Variants in PXN observed in about 807,000 individuals in gnomAD.
PXN encodes paxillin.
PXN carries 61 observed loss-of-function variants against 103.6 expected under a neutral mutation model. The observed-to-expected ratio is 0.59, with a 90% CI of 0.48 to 0.73. PXN has a LOEUF of 0.73. Ranked by LOEUF, PXN falls within the 30% of genes least tolerant of loss-of-function variation. The pLI is 0.00. For missense variants in PXN, 1,274 were observed against 1,460.3 expected (o/e 0.87, Z 2.08); for synonymous variants, 562 against 607.8 (o/e 0.92, Z 1.11).
chr12:120,216,141 G>A lies in PXN; in HGVS notation c.2301+132C>T. The A allele has an allele frequency of 7.8e-7, 1 of 1,275,488 alleles. No individual in the cohort carries two copies. The highest frequency in any genetic ancestry group is 9.9e-7 in the Non-Finnish European group (1 of 1,013,344). The allele number at this position is 1,275,488 out of a possible 1,614,324, so 79.0% of individuals were successfully genotyped here. A position where few individuals can be genotyped will look rare whatever the true frequency, so the allele number is the denominator to read the frequency against. ...GGTTTACGGCAGGACTGTGGTTACT[G>A]TGCTGGGGCTTGTAGATGGAGGGAT... On this transcript the variant is annotated intron_variant, in intron 9 of 14. Transcript: ENST00000637617. This position sits in a 1 kb window ranked among gnomAD's most constrained non-coding sequence, Gnocchi z 5.1.
At position 120,229,102 on chromosome 12, in the gene PXN, T is replaced by C. The variant is rs1449406200; in HGVS notation, c.14-4725A>G. 6.6e-6 allele frequency among the ~76,000 whole-genome samples: 1 copy of C among 152,178 alleles called. No individual in the cohort carries two copies. The highest frequency in any genetic ancestry group is 2.4e-5 in the African/African-American group (1 of 41,442). ...GCTGCAGCTGCATCCCTCACATTCC[T>C]GTACCCACCTAGGGGCTCCGGGTGG... On this transcript the variant is annotated intron_variant, in intron 1 of 14. Transcript: ENST00000637617. The surrounding 1 kb of genome is among the most constrained non-coding windows in gnomAD (Gnocchi z 4.0).
intron 1 of PXN, among the ~76,000 whole-genome samples, chr12:120,236,476 C>CTTT (rs1051367345): frequency 3.1e-5 from 4 of 130,696 alleles, no homozygotes; most frequent in Non-Finnish European, 3.2e-5. Flanking sequence ...CCCAGATGAT[C>CTTT]TTTTTTTTTT....
Position 120,224,167 on chromosome 12 carries a change from C to G in PXN, c.224G>C (p.Arg75Pro). The G allele has an allele frequency of 3.8e-6, 6 of 1,582,660 alleles. No individual in the cohort carries two copies. Among genetic ancestry groups the G allele is most frequent in the Non-Finnish European group, 5.2e-6 (6 of 1,164,204 alleles). The change falls in exon 2 of 15, where the codon CGA (arginine) becomes CCA (proline). Residue 75 changes from arginine (R) to proline (P), a missense_variant. Physicochemically the swap from Arg to Pro is moderately radical, Grantham distance 103 (BLOSUM62 -2). This residue lies in a region of PXN where 1,178 missense variants were observed against 1,309.0 expected (regional missense o/e 0.90). Transcript: ENST00000637617. The surrounding 1 kb of genome is among the most constrained non-coding windows in gnomAD (Gnocchi z 5.0). ...CCGCCTCACCTGCTGGTGGATGAAT[C>G]GGGAGCTGCTGGGCTGCCACTGGTC... Reference protein sequence around the residue: ...PLDQWQPSSSRFIHQQPQSSS... With the variant: ...PLDQWQPSSSPFIHQQPQSSS...
rs2136188762 is a variant in PXN, at chr12:120,214,755, T to G, written c.2748+70A>C. ...TCTCTGAGCCTCCCACGGCACCCCC[T>G]GCATCCTCAGAGGGCTGCGGTGAAG... On this transcript the variant is annotated intron_variant, in intron 12 of 14. Transcript: ENST00000637617. The surrounding 1 kb of genome is among the most constrained non-coding windows in gnomAD (Gnocchi z 5.0). 6.3e-7 allele frequency: 1 copy of G among 1,580,612 alleles called. No individual in the cohort carries two copies. Among genetic ancestry groups the G allele is most frequent in the Middle Eastern group, 1.9e-4 (1 of 5,216 alleles).
At chr12:120,223,062 G>T (rs1885680217) in intron 3 of PXN, 63 bp from the exon 4 acceptor site, 1 of 1,611,024 alleles carries the variant, frequency 6.2e-7, no homozygotes, top group Non-Finnish European at 8.5e-7. Context: ...TGGCTTGGCA[G>T]TTCCCAGATT....
intron 1 of PXN, among the ~76,000 whole-genome samples, chr12:120,231,012 G>A (rs2136411320): frequency 6.6e-6 from 1 of 152,304 alleles, no homozygotes; most frequent in East Asian, 1.9e-4. Context: ...ATGAATGGCT[G>A]AATGACAGAG....
In PXN at chr12:120,225,974, C is replaced by T. The variant is rs1030546940; in HGVS notation, c.14-1597G>A. ...CAAGGCCCAGGACCCCGGGTCTGGT[C>T]GCCTGACCTCCAAGGAAGTTCAGGT... On this transcript the variant is annotated intron_variant, in intron 1 of 14. Coordinates refer to ENST00000637617, the MANE Select transcript of PXN (RefSeq NM_001385981.1). The surrounding 1 kb of genome is among the most constrained non-coding windows in gnomAD (Gnocchi z 4.4). 4 of 868,138 alleles carry T rather than the reference C, an allele frequency of 4.6e-6. No individual in the cohort carries two copies. Among genetic ancestry groups the T allele is most frequent in the Non-Finnish European group, 5.8e-6 (4 of 691,934 alleles). 53.8% of individuals were successfully genotyped at this position (868,138 alleles called of 1,614,324 possible). A position where few individuals can be genotyped will look rare whatever the true frequency, so the allele number is the denominator to read the frequency against.
At chr12:120,237,597 G>C (rs937085466) in intron 1 of PXN, among the ~76,000 whole-genome samples, 8 of 152,084 alleles carry the variant, frequency 5.3e-5, no homozygotes, top group African/African-American at 1.9e-4. Flanking sequence ...AGATGGTCAC[G>C]AGTGCTGAGA....
At chr12:120,262,132 C>T (rs1893971934) in intron 1 of PXN, among the ~76,000 whole-genome samples, 1 of 152,226 alleles carries the variant, frequency 6.6e-6, no homozygotes, top group African/African-American at 2.4e-5. Context: ...GGCTCCATAG[C>T]TCCCAATGCC....
At chr12:120,239,356 G>C (rs1889729841) in intron 1 of PXN, among the ~76,000 whole-genome samples, 1 of 152,242 alleles carries the variant, frequency 6.6e-6, no homozygotes, top group African/African-American at 2.4e-5. Context: ...GGCTGAGGCA[G>C]GTGGATCACA....
In PXN at chr12:120,236,534, G is replaced by A. The variant is rs550965395; in HGVS notation, c.14-12157C>T. The stretch of plus-strand genomic sequence containing the variant: ...ACTCTGTCGCCCAGGCTGGCGTACA[G>A]TGGCGCCATCTCAGCTCACTGCAAC... On this transcript the variant is annotated intron_variant, in intron 1 of 14. Transcript: ENST00000637617. 3.2e-4 allele frequency among the ~76,000 whole-genome samples: 47 copies of A among 147,470 alleles called. 1 individual carries two copies. The South Asian group carries it at 9.4e-3, about 29-fold the overall frequency.
At position 120,220,263 on chromosome 12, in the gene PXN, G is replaced by A. The variant is rs1450079968; in HGVS notation, c.832-172C>T. ...CCAGACCCCAAAAAAGCTTCCCTGG[G>A]CTTTGCGTGCTTAGCCCTCACCAAA... On this transcript the variant is annotated intron_variant, in intron 6 of 14. Transcript: ENST00000637617. The surrounding 1 kb of genome is among the most constrained non-coding windows in gnomAD (Gnocchi z 6.1). 6.6e-6 allele frequency among the ~76,000 whole-genome samples: 1 copy of A among 152,102 alleles called. No individual in the cohort carries two copies. The highest frequency in any genetic ancestry group is 1.5e-5 in the Non-Finnish European group (1 of 68,004).
Position 120,212,756 on chromosome 12 carries a change from ATTTT to A in PXN, c.2980-180_2980-177del. On this transcript the variant is annotated intron_variant, in intron 14 of 14. Transcript: ENST00000637617. This position sits in a 1 kb window ranked among gnomAD's most constrained non-coding sequence, Gnocchi z 7.2. The stretch of plus-strand genomic sequence containing the variant: ...TTTTCATTTTTATTTTATTAAATAA[ATTTT>A]TTTTGTAGAGATGGGGGTCTCACTA... The A allele has an allele frequency of 1.4e-6, 1 of 698,078 alleles. No homozygotes were observed. Among genetic ancestry groups the A allele is most frequent in the Non-Finnish European group, 2.2e-6 (1 of 459,284 alleles). The allele number at this position is 698,078 out of a possible 1,614,324, so 43.2% of individuals were successfully genotyped here. A position where few individuals can be genotyped will look rare whatever the true frequency, so the allele number is the denominator to read the frequency against.
chr12:120,215,671 G>C lies in PXN; in HGVS notation c.2302-10C>G, dbSNP rs201669656. The C allele has an allele frequency of 2.5e-5, 40 of 1,596,438 alleles. No individual in the cohort carries two copies. The highest frequency in any genetic ancestry group is 3.4e-5 in the Non-Finnish European group (40 of 1,174,190). The stretch of plus-strand genomic sequence containing the variant: ...GCTCCAGGCCCTGGATCTTAGATAG[G>C]GGAAGAGATGAGGGTAAGAAATCTT... On this transcript the variant is annotated splice_polypyrimidine_tract_variant and intron_variant, in intron 9 of 14. Transcript: ENST00000637617. This position sits in a 1 kb window ranked among gnomAD's most constrained non-coding sequence, Gnocchi z 4.9.
rs969595152 is a variant in PXN, at chr12:120,212,619, G to A, written c.2980-39C>T. 38 of 1,591,432 alleles carry A rather than the reference G, an allele frequency of 2.4e-5. No individual in the cohort carries two copies. The highest frequency in any genetic ancestry group is 3.1e-5 in the Non-Finnish European group (36 of 1,169,002). ...AGAGGGGCTCAGGGAGCTGCCCCTCGGGCTAGAGCTGCACCCTGTGTGATG... is the reference window on the plus strand; with the variant it reads ...AGAGGGGCTCAGGGAGCTGCCCCTCAGGCTAGAGCTGCACCCTGTGTGATG... On this transcript the variant is annotated intron_variant, in intron 14 of 14. Coordinates refer to ENST00000637617, the MANE Select transcript of PXN (RefSeq NM_001385981.1). The surrounding 1 kb of genome is among the most constrained non-coding windows in gnomAD (Gnocchi z 7.2).
rs369071213 is a variant in PXN, at chr12:120,214,026, C to T, written c.2831-36G>A. 79 of 1,604,250 alleles carry T rather than the reference C, an allele frequency of 4.9e-5. 1 individual carries two copies. Among genetic ancestry groups the T allele is most frequent in the African/African-American group, 2.7e-4 (20 of 74,854 alleles). On this transcript the variant is annotated intron_variant, in intron 13 of 14. Transcript: ENST00000637617. This position sits in a 1 kb window ranked among gnomAD's most constrained non-coding sequence, Gnocchi z 5.0. ...GGGGTTTTGGAGGCACAGTTCATTCCGGCTTCCAGAAGTGGAGCCACTCTG... is the reference window on the plus strand; with the variant it reads ...GGGGTTTTGGAGGCACAGTTCATTCTGGCTTCCAGAAGTGGAGCCACTCTG...
At chr12:120,232,317 C>T (rs1338240422) in intron 1 of PXN, among the ~76,000 whole-genome samples, 1 of 152,224 alleles carries the variant, frequency 6.6e-6, no homozygotes, top group Non-Finnish European at 1.5e-5. Context: ...CCACCATGCC[C>T]ATCCCCAGAG....
rs767203578 is a variant in PXN at position 120,216,903 on chromosome 12, C to T, written c.1930G>A (p.Glu644Lys). The change falls in exon 8 of 15, where the codon GAG becomes AAG. Residue 644 changes from glutamate to lysine, a missense_variant. This residue lies in a region of PXN where 1,178 missense variants were observed against 1,309.0 expected (regional missense o/e 0.90). Transcript: ENST00000637617. The surrounding 1 kb of genome is among the most constrained non-coding windows in gnomAD (Gnocchi z 5.1). ...GGCTGCACAGTGATGATGACGCCCT[C>T]GGTCAGCCAGTCCTGGGCAGAGGGC... ...AGPSAQDWLTEGVIITVQPRG... is the reference protein window; with the variant it reads ...AGPSAQDWLTKGVIITVQPRG... 32 of 1,519,608 alleles carry T rather than the reference C, an allele frequency of 2.1e-5. No individual in the cohort carries two copies. Among genetic ancestry groups the T allele is most frequent in the Admixed American group, 6.2e-5 (3 of 48,050 alleles). The allele number at this position is 1,519,608 out of a possible 1,614,324, so 94.1% of individuals were successfully genotyped here.
rs369908132 is a variant in PXN at position 120,221,704 on chromosome 12, G to A, written c.750C>T (p.Ser250=). ...GEMSSPQRVT[S]TQQQTRISAS... ...CCGAGATGCGTGTCTGCTGTTGGGTGGAGGTGACGCGCTGCGGGCTGCTCA... is the reference window on the plus strand; with the variant it reads ...CCGAGATGCGTGTCTGCTGTTGGGTAGAGGTGACGCGCTGCGGGCTGCTCA... The change falls in exon 6 of 15, where the codon TCC becomes TCT. Residue 250 remains serine (S), a synonymous_variant. Coordinates refer to ENST00000637617, the MANE Select transcript of PXN (RefSeq NM_001385981.1). The surrounding 1 kb of genome is among the most constrained non-coding windows in gnomAD (Gnocchi z 6.6). 2.0e-4 allele frequency: 313 copies of A among 1,571,302 alleles called. No individual in the cohort carries two copies. Among genetic ancestry groups the A allele is most frequent in the Non-Finnish European group, 2.5e-4 (289 of 1,158,694 alleles).
Sources: allele counts gnomAD v4.1 joint callset (sites outside exome capture counted in the v4.1 genomes callset), GRCh38; gene constraint gnomAD v4.1.1; regional missense constraint gnomAD v4.1.1; non-coding constraint Gnocchi (gnomAD v3.1); transcripts MANE v1.5; gene names NCBI Gene and HGNC (gene_info 2026-07-23, HGNC 2026-07-21).